The following PIK3R4 variants were observed in gnomAD, a reference collection of about 807,000 sequenced individuals.
PIK3R4 encodes phosphoinositide 3-kinase regulatory subunit 4.
In PIK3R4, 46 loss-of-function variants were observed where a neutral mutation model predicts 136.5. The observed-to-expected ratio is 0.34, with a 90% CI of 0.27 to 0.43. PIK3R4 has a LOEUF of 0.43. PIK3R4 is among the 20% of genes least tolerant of loss of function. The pLI, the probability that PIK3R4 is intolerant of heterozygous loss-of-function variation, is 1.00. For missense variants in PIK3R4, 1,331 were observed against 1,649.5 expected, an observed-to-expected ratio of 0.81 and a Z score of 3.35; for synonymous variants, 557 against 566.7, an observed-to-expected ratio of 0.98 and a Z score of 0.24.
At chr3:130,721,603 C>G (rs2066701361) in intron 7 of PIK3R4, among the ~76,000 whole-genome samples, 1 of 152,084 alleles carries the variant, frequency 6.6e-6, no homozygotes, top group Non-Finnish European at 1.5e-5. Flanking sequence ...ACAGATGAAC[C>G]TGGAGAACAT....
chr3:130,691,734 T>C (rs1225434061), intron 13 of PIK3R4, among the ~76,000 whole-genome samples: 1 of 152,098 alleles, frequency 6.6e-6, no homozygotes, highest in Non-Finnish European at 1.5e-5. Flanking sequence ...ACATTTATAA[T>C]ACCACCCAGA....
intron 2 of PIK3R4, among the ~76,000 whole-genome samples, chr3:130,737,103 C>T (rs1053242166): frequency 2.0e-5 from 3 of 152,150 alleles, no homozygotes; most frequent in African/African-American, 7.2e-5. Flanking sequence ...ACCTAGAATG[C>T]TATTCCCCCA....
rs2066843524 is a variant in PIK3R4 at position 130,744,778 on chromosome 3, C to T, written c.441G>A (p.Gly147=). The T allele has an allele frequency of 6.2e-7, 1 of 1,614,226 alleles. No homozygotes were observed. Among genetic ancestry groups the T allele is most frequent in the Non-Finnish European group, 8.5e-7 (1 of 1,180,032 alleles). Residue 147 remains glycine (G), a synonymous_variant, in exon 2 of 20, where the codon GGG becomes GGA. Transcript: ENST00000356763. ...DQAHKSGVRH[G]DIKTENVMVT... Reference sequence around the variant, plus strand: ...CCATCACATTCTCAGTCTTGATGTCCCCATGACGAACTCCAGATTTGTGTG... The same window carrying T: ...CCATCACATTCTCAGTCTTGATGTCTCCATGACGAACTCCAGATTTGTGTG...
chr3:130,696,576 A>T (rs1213102027), intron 13 of PIK3R4, among the ~76,000 whole-genome samples: 1 of 152,172 alleles, frequency 6.6e-6, no homozygotes, highest in Non-Finnish European at 1.5e-5. Flanking sequence ...TCTGTTACTG[A>T]TACCTAGTTT....
chr3:130,706,001 A>G (rs1322944458), intron 11 of PIK3R4, among the ~76,000 whole-genome samples: 1 of 152,178 alleles, frequency 6.6e-6, no homozygotes, highest in African/African-American at 2.4e-5. Flanking sequence ...TACATTTTAT[A>G]TATAAAAAAA....
At chr3:130,741,410 C>T (rs566806544) in intron 2 of PIK3R4, among the ~76,000 whole-genome samples, 5 of 152,320 alleles carry the variant, frequency 3.3e-5, no homozygotes, top group Admixed American at 6.5e-5. Context: ...CAGCCACCAT[C>T]TCTATGGTAT....
chr3:130,709,117 C>A (rs1355386946), intron 9 of PIK3R4, among the ~76,000 whole-genome samples: 1 of 152,068 alleles, frequency 6.6e-6, no homozygotes, highest in Non-Finnish European at 1.5e-5. Context: ...TGTATCTGTG[C>A]ACCTCTATTT....
At chr3:130,705,492 T>C in intron 12 of PIK3R4, 69 bp downstream of exon 12, 1 of 987,622 alleles carries the variant, frequency 1.0e-6, no homozygotes, top group South Asian at 1.4e-5. Flanking sequence ...TAAGTATTCA[T>C]TTCCTCTATT....
chr3:130,705,537 A>G (rs1264413870), intron 12 of PIK3R4, 24 bp downstream of exon 12: 2 of 1,494,986 alleles, frequency 1.3e-6, no homozygotes, highest in Admixed American at 3.3e-5. Context: ...CTAGACTACA[A>G]CTACTTATCA....
Position 130,716,507 on chromosome 3 carries a change from G to T in PIK3R4, c.2220C>A (p.Ser740Arg). Residue 740 changes from serine (S) to arginine (R), a missense_variant, in exon 9 of 20, where the codon AGC (serine) becomes AGA (arginine). Coordinates refer to ENST00000356763, the MANE Select transcript of PIK3R4 (RefSeq NM_014602.3). ...DYALRSKDIT[S>R]LFRHLHMRQK... ...GACGCATGTGAAGATGTCTGAACAA[G>T]CTAGTAATATCTTTAGACCTCAAAG... 6.2e-7 allele frequency: 1 copy of T among 1,613,754 alleles called. No individual in the cohort carries two copies. The highest frequency in any genetic ancestry group is 8.5e-7 in the Non-Finnish European group (1 of 1,179,620).
intron 13 of PIK3R4, among the ~76,000 whole-genome samples, chr3:130,693,699 T>C (rs1242328051): frequency 6.6e-6 from 1 of 152,226 alleles, no homozygotes; most frequent in African/African-American, 2.4e-5. Flanking sequence ...ATATATGATA[T>C]ATGTTATTTC....
intron 7 of PIK3R4, among the ~76,000 whole-genome samples, chr3:130,720,950 T>C (rs559002245): frequency 6.6e-6 from 1 of 152,126 alleles, no homozygotes; most frequent in South Asian, 2.1e-4. Flanking sequence ...GGCCAGAAGA[T>C]AGCTTGAGCC....
intron 13 of PIK3R4, among the ~76,000 whole-genome samples, chr3:130,696,241 CTGA>C (rs1559821821): frequency 6.6e-6 from 1 of 150,846 alleles, no homozygotes; most frequent in African/African-American, 2.5e-5. Flanking sequence ...TCTACTTTTG[CTGA>C]TTTTTTTTTT....
At chr3:130,680,534 C>CATTT in intron 19 of PIK3R4, 79 bp downstream of exon 19, 1 of 683,094 alleles carries the variant, frequency 1.5e-6, no homozygotes, top group Non-Finnish European at 2.5e-6. Context: ...TTGGTCAAGC[C>CATTT]ATTTATTTTA....
At chr3:130,719,961 G>A (rs2066689666) in intron 7 of PIK3R4, among the ~76,000 whole-genome samples, 1 of 152,132 alleles carries the variant, frequency 6.6e-6, no homozygotes, top group Admixed American at 6.5e-5. Flanking sequence ...TGAGACAGAT[G>A]AATCACAGTC....
At chr3:130,681,328 G>A (rs1485508489) in intron 17 of PIK3R4, among the ~76,000 whole-genome samples, 163 bp downstream of exon 17, 1 of 152,136 alleles carries the variant, frequency 6.6e-6, no homozygotes, top group Non-Finnish European at 1.5e-5. Flanking sequence ...CACTAGCAAG[G>A]AAACACTCAT....
chr3:130,708,407 T>C lies in PIK3R4; in HGVS notation c.2417A>G (p.Asp806Gly). The change falls in exon 10 of 20, where the codon GAC (aspartate) becomes GGC (glycine). Residue 806 changes from aspartate (D) to glycine (G), a missense_variant. Asp to Gly is a moderately conservative substitution (Grantham distance 94, BLOSUM62 -1). This residue lies in a region of PIK3R4 where 1,180 missense variants were observed against 1,407.0 expected (regional missense o/e 0.84). Transcript: ENST00000356763. ...ACTACTATCATGAAGATGGCTCTGG[T>C]CCACTATATTGGCCTTTGCTTTATT... ...KSNKAKANIV[D>G]QSHLHDSSQK... is the part of the protein sequence containing the mutation. 1 of 1,613,814 alleles carries C rather than the reference T, an allele frequency of 6.2e-7. No homozygotes were observed. Among genetic ancestry groups the C allele is most frequent in the Non-Finnish European group, 8.5e-7 (1 of 1,179,742 alleles).
intron 6 of PIK3R4, 39 bp from the exon 7 acceptor site, chr3:130,723,626 C>T: frequency 3.9e-6 from 6 of 1,548,496 alleles, no homozygotes; most frequent in Non-Finnish European, 5.3e-6. Context: ...TATTCAATAC[C>T]TAAAAGTACA....
chr3:130,702,326 A>G (rs1336290036), intron 13 of PIK3R4, among the ~76,000 whole-genome samples: 1 of 151,460 alleles, frequency 6.6e-6, no homozygotes, highest in Admixed American at 6.6e-5. Flanking sequence ...AATGTTGACC[A>G]AAAAAAAATT....
Sources: allele counts gnomAD v4.1 joint callset (sites outside exome capture counted in the v4.1 genomes callset), GRCh38; gene constraint gnomAD v4.1.1; regional missense constraint gnomAD v4.1.1; transcripts MANE v1.5; gene names NCBI Gene and HGNC (gene_info 2026-07-23, HGNC 2026-07-21).